SEC22A: variants seen among roughly 807,000 people sequenced by gnomAD.
SEC22A encodes vesicle-trafficking protein SEC22a.
Under a neutral mutation model 35.3 loss-of-function variants are expected in SEC22A, and 22 were observed. The observed-to-expected ratio is 0.62, with a 90% CI of 0.45 to 0.89. SEC22A has a LOEUF of 0.89. Ranked by LOEUF, SEC22A falls within the 40% of genes least tolerant of loss-of-function variation. The pLI is 0.00. For missense variants in SEC22A, 354 were observed against 362.5 expected (o/e 0.98, Z 0.19); for synonymous variants, 119 against 129.5 (o/e 0.92, Z 0.55).
chr3:123,217,596 AGCT>A (rs1937053907), intron 2 of SEC22A, among the ~76,000 whole-genome samples: 1 of 152,180 alleles, frequency 6.6e-6, no homozygotes, highest in Non-Finnish European at 1.5e-5. Flanking sequence ...CACCCAGGAA[AGCT>A]ATTCACTGGG....
intron 2 of SEC22A, among the ~76,000 whole-genome samples, chr3:123,210,582 G>C (rs897576424): frequency 2.6e-5 from 4 of 152,156 alleles, no homozygotes; most frequent in African/African-American, 9.7e-5. Context: ...TTAGTGAAGA[G>C]GACAAGTATA....
Position 123,209,384 on chromosome 3 carries a change from G to T in SEC22A, c.167G>T (p.Gly56Val), listed in dbSNP as rs1181864075. The change falls in exon 2 of 7, where the codon GGA (glycine) becomes GTA (valine). Residue 56 changes from glycine (G) to valine (V), a missense_variant. Physicochemically the swap from Gly to Val is moderately radical, Grantham distance 109 (BLOSUM62 -3). Transcript: ENST00000492595. ...QLPDRCTLKT[G>V]HYNINFISSL... ...CCTGATAGATGTACACTGAAAACTGGACATTATAACATTAAGTAAGACTTC... is the reference window on the plus strand; with the variant it reads ...CCTGATAGATGTACACTGAAAACTGTACATTATAACATTAAGTAAGACTTC... 1.2e-6 allele frequency: 2 copies of T among 1,612,004 alleles called. No homozygotes were observed. The highest frequency in any genetic ancestry group is 1.7e-6 in the Non-Finnish European group (2 of 1,178,540).
chr3:123,233,080 T>C (rs575126455), intron 4 of SEC22A, among the ~76,000 whole-genome samples: 1 of 152,144 alleles, frequency 6.6e-6, no homozygotes, highest in South Asian at 2.1e-4. Flanking sequence ...CAGTGAGTAA[T>C]GATGACACCA....
intron 6 of SEC22A, among the ~76,000 whole-genome samples, chr3:123,261,033 C>T (rs904252690): frequency 2.6e-5 from 4 of 151,652 alleles, no homozygotes. Flanking sequence ...GATGACGTTT[C>T]ACCATGTTAG....
chr3:123,241,762 A>G (rs1937525125), intron 4 of SEC22A, among the ~76,000 whole-genome samples: 1 of 152,128 alleles, frequency 6.6e-6, no homozygotes. Context: ...TCTGAATTTG[A>G]TAAGGAAAAT....
chr3:123,224,562 G>A (rs941484165), intron 3 of SEC22A, among the ~76,000 whole-genome samples: 5 of 152,148 alleles, frequency 3.3e-5, no homozygotes, highest in Admixed American at 6.5e-5. Flanking sequence ...TTGGGAGGCC[G>A]AGGCAGTAGG....
intron 5 of SEC22A, among the ~76,000 whole-genome samples, chr3:123,256,482 G>T (rs569554873): frequency 6.6e-6 from 1 of 152,198 alleles, no homozygotes; most frequent in African/African-American, 2.4e-5. Flanking sequence ...GACACTGTAC[G>T]CACTACTTCC....
chr3:123,249,767 G>T (rs1301653389), intron 5 of SEC22A, among the ~76,000 whole-genome samples: 1 of 151,944 alleles, frequency 6.6e-6, no homozygotes, highest in African/African-American at 2.4e-5. Context: ...CTAGTGATCC[G>T]CCCACCTTGG....
At chr3:123,213,842 A>C in intron 2 of SEC22A, among the ~76,000 whole-genome samples, 1 of 152,142 alleles carries the variant, frequency 6.6e-6, no homozygotes, top group East Asian at 1.9e-4. Context: ...TAGGCAAGGG[A>C]AGACCAGAGT....
rs1378988148 is a variant in SEC22A at position 123,272,484 on chromosome 3, CTTTTAAA to C, written c.*770_*776del. ...CTTGTATTATTTTCTTAATATTTAT[CTTTTAAA>C]TTTTAAAGTTTTTTTAAAAAAATGA... On this transcript the variant is annotated 3_prime_UTR_variant, in exon 7 of 7. Transcript: ENST00000492595. 6.6e-6 allele frequency: 1 copy of C among 152,062 alleles called. No homozygotes were observed. Among genetic ancestry groups the C allele is most frequent in the Non-Finnish European group, 1.5e-5 (1 of 68,012 alleles). The allele number at this position is 152,062 out of a possible 1,614,324, so 9.4% of individuals were successfully genotyped here.
chr3:123,262,511 T>G (rs1399247055), intron 6 of SEC22A, among the ~76,000 whole-genome samples: 1 of 152,216 alleles, frequency 6.6e-6, no homozygotes, highest in Non-Finnish European at 1.5e-5. Context: ...AAAAGTGATA[T>G]GCACTCAGTA....
At chr3:123,224,735 G>T (rs1377137269) in intron 3 of SEC22A, among the ~76,000 whole-genome samples, 2 of 152,032 alleles carry the variant, frequency 1.3e-5, no homozygotes, top group East Asian at 3.9e-4. Context: ...AGGTTACAGT[G>T]AGCTATGATT....
rs1408115210 is a variant in SEC22A at position 123,273,214 on chromosome 3, A to ACTGT, written c.*1495_*1498dup. ...GAAATAGAGGGTAAAAAGTTAGTGA[A>ACTGT]CTGTCTTGTTTGCGTGAACCAGTAT... On this transcript the variant is annotated 3_prime_UTR_variant, in exon 7 of 7. Coordinates refer to ENST00000492595, the MANE Select transcript of SEC22A (RefSeq NM_012430.5). 2 of 152,216 alleles carry ACTGT rather than the reference A, an allele frequency of 1.3e-5. No homozygotes were observed. The allele number at this position is 152,216 out of a possible 1,614,324, so 9.4% of individuals were successfully genotyped here.
intron 4 of SEC22A, among the ~76,000 whole-genome samples, chr3:123,232,639 G>C (rs1177522218): frequency 6.6e-6 from 1 of 152,152 alleles, no homozygotes; most frequent in Non-Finnish European, 1.5e-5. Flanking sequence ...TTGAGCTCAG[G>C]AGTTCAAGAC....
chr3:123,229,331 C>T (rs997972910), intron 4 of SEC22A, among the ~76,000 whole-genome samples: 4 of 152,198 alleles, frequency 2.6e-5, no homozygotes, highest in African/African-American at 9.7e-5. Context: ...AAACTCATCA[C>T]TTACAGTGAA....
At position 123,209,278 on chromosome 3, in the gene SEC22A, T is replaced by A. The variant is rs772290794; in HGVS notation, c.61T>A (p.Ser21Thr). ...RVRDGLPLSA[S>T]TDYEQSTGMQ... ...CAGAGATGGACTGCCACTTTCTGCTTCTACTGATTATGAACAAAGCACAGG... is the reference window on the plus strand; with the variant it reads ...CAGAGATGGACTGCCACTTTCTGCTACTACTGATTATGAACAAAGCACAGG... The change falls in exon 2 of 7, where the codon TCT (serine) becomes ACT (threonine). Residue 21 changes from serine (S) to threonine (T), a missense_variant. Ser to Thr is a moderately conservative substitution (Grantham distance 58). Transcript: ENST00000492595. 3 of 1,614,108 alleles carry A rather than the reference T, an allele frequency of 1.9e-6. No homozygotes were observed. The highest frequency in any genetic ancestry group is 2.5e-6 in the Non-Finnish European group (3 of 1,179,974).
intron 6 of SEC22A, among the ~76,000 whole-genome samples, chr3:123,264,566 C>T (rs941837198): frequency 1.3e-5 from 2 of 151,058 alleles, no homozygotes; most frequent in African/African-American, 2.4e-5. Context: ...GCTAATGATG[C>T]TAAACATTGT....
chr3:123,210,038 A>G (rs755064764), intron 2 of SEC22A, among the ~76,000 whole-genome samples: 1 of 152,218 alleles, frequency 6.6e-6, no homozygotes, highest in Non-Finnish European at 1.5e-5. Context: ...AGTTGCAGAA[A>G]GTGAGGCCAG....
chr3:123,243,907 A>G (rs1458695198), intron 4 of SEC22A: 1 of 152,236 alleles, frequency 6.6e-6, no homozygotes, highest in Non-Finnish European at 1.5e-5. Context: ...AAGACTAAAG[A>G]AAAGACTTTA....
Sources: allele counts gnomAD v4.1 joint callset (sites outside exome capture counted in the v4.1 genomes callset), GRCh38; gene constraint gnomAD v4.1.1; transcripts MANE v1.5; gene names NCBI Gene and HGNC (gene_info 2026-07-23, HGNC 2026-07-21).